Variants in BANK1 observed in about 807,000 individuals in gnomAD.
BANK1 encodes B-cell scaffold protein with ankyrin repeats.
Under a neutral mutation model 94.5 loss-of-function variants are expected in BANK1, and 95 were observed. The observed-to-expected ratio is 1.00, with a 90% confidence interval of 0.85 to 1.19. BANK1 has a LOEUF of 1.19. BANK1 is among the 50% of genes most tolerant of loss of function. The pLI, the probability that BANK1 is intolerant of heterozygous loss-of-function variation, is 0.00. For synonymous variants in BANK1, 334 were observed against 308.4 expected, an observed-to-expected ratio of 1.08 and a Z score of -0.87; for missense variants, 987 against 932.2, an observed-to-expected ratio of 1.06 and a Z score of -0.77.
At chr4:101,922,200 G>A (rs1300404481) in intron 7 of BANK1, among the ~76,000 whole-genome samples, 1 of 151,768 alleles carries the variant, frequency 6.6e-6, no homozygotes, top group Non-Finnish European at 1.5e-5. Context: ...AGCAATAATT[G>A]ACTGGGTAAT....
At chr4:102,026,318 A>C (rs1727096381) in intron 9 of BANK1, among the ~76,000 whole-genome samples, 1 of 152,108 alleles carries the variant, frequency 6.6e-6, no homozygotes, top group South Asian at 2.1e-4. Context: ...GTACTTTCCA[A>C]ATTTATATTT....
intron 6 of BANK1, among the ~76,000 whole-genome samples, chr4:101,910,333 A>G (rs952413008): frequency 6.6e-6 from 1 of 152,214 alleles, no homozygotes; most frequent in African/African-American, 2.4e-5. Context: ...ATTGACATAT[A>G]TCAAATTAAA....
At position 101,910,457 on chromosome 4, in the gene BANK1, T is replaced by C. The variant is rs1007074510; in HGVS notation, c.1010-7536T>C. Among the ~76,000 whole-genome samples the C allele has an allele frequency of 3.3e-5, 5 of 151,936 alleles. No homozygotes were observed. The South Asian group carries it at 8.3e-4, about 25-fold the overall frequency. On this transcript the variant is annotated intron_variant, in intron 6 of 16. Transcript: ENST00000322953. ...AGCACTTTGGGAGGCCGAGGCGGGC[T>C]GATCACCTGAGGTCGGGAGTTCGAG... is the stretch of plus-strand genomic sequence containing the variant.
intron 7 of BANK1, among the ~76,000 whole-genome samples, chr4:102,016,328 T>C (rs1404580339): frequency 6.6e-6 from 1 of 152,216 alleles, no homozygotes; most frequent in Non-Finnish European, 1.5e-5. Context: ...TATGTGGGTA[T>C]CCTGTATTTC....
chr4:102,019,804 A>G (rs1032673530), intron 7 of BANK1, among the ~76,000 whole-genome samples: 3 of 152,208 alleles, frequency 2.0e-5, no homozygotes, highest in African/African-American at 7.2e-5. Context: ...TCTACAGAGC[A>G]TTTTATTCTG....
At chr4:102,020,526 T>TA (rs1013036978) in intron 7 of BANK1, among the ~76,000 whole-genome samples, 30 of 151,738 alleles carry the variant, frequency 2.0e-4, no homozygotes, top group Admixed American at 1.4e-3. Context: ...CATTAGTGTT[T>TA]AAAAAAAAAT....
intron 7 of BANK1, among the ~76,000 whole-genome samples, chr4:102,006,271 C>G (rs185517560): frequency 4.6e-5 from 7 of 152,112 alleles, no homozygotes; most frequent in African/African-American, 1.4e-4. Context: ...TGTTTTTAAT[C>G]TCTGTTCTCA....
chr4:101,910,695 A>G (rs968700491), intron 6 of BANK1, among the ~76,000 whole-genome samples: 16 of 101,970 alleles, frequency 1.6e-4, no homozygotes, highest in African/African-American at 2.9e-4. Context: ...CTCCGTCTCG[A>G]AAAAAAAAAA....
intron 5 of BANK1, among the ~76,000 whole-genome samples, chr4:101,892,527 GTA>G (rs35163465): frequency 0.12 from 18,247 of 149,872 alleles, 1,814 homozygotes; most frequent in African/African-American, 0.27. Flanking sequence ...GCATGTATAT[GTA>G]TATATATATA....
chr4:102,030,389 AG>A, intron 10 of BANK1, 124 bp downstream of exon 10: 1 of 969,786 alleles, frequency 1.0e-6, no homozygotes, highest in East Asian at 2.6e-5. Context: ...TTTTTTTTCA[AG>A]TCACAGCTAA....
At chr4:101,841,696 A>T (rs925692230) in intron 2 of BANK1, among the ~76,000 whole-genome samples, 4 of 151,568 alleles carry the variant, frequency 2.6e-5, no homozygotes, top group Non-Finnish European at 5.9e-5. Context: ...ACATATGTAT[A>T]CATGTGCCAT....
Position 102,060,297 on chromosome 4 carries a change from A to AAAGT in BANK1, c.2059_2062dup (p.Lys688SerfsTer10). 6.2e-7 allele frequency: 1 copy of AAAGT among 1,610,612 alleles called. No homozygotes were observed. Among genetic ancestry groups the AAAGT allele is most frequent in the Non-Finnish European group, 8.5e-7 (1 of 1,178,860 alleles). On this transcript the variant is annotated frameshift_variant, in exon 12 of 17. Coordinates refer to ENST00000322953, the MANE Select transcript of BANK1 (RefSeq NM_017935.5). LOFTEE classifies it high-confidence loss of function. ...GGAAGAACTCATCCTCCTGCAGGAGAAAGTAAAGAATGGGAAAATGTCTAT... is the reference window on the plus strand; with the variant it reads ...GGAAGAACTCATCCTCCTGCAGGAGAAAGTAAGTAAAGAATGGGAAAATGTCTAT...
chr4:101,861,978 A>G (rs1727893976), intron 3 of BANK1, among the ~76,000 whole-genome samples: 1 of 152,164 alleles, frequency 6.6e-6, no homozygotes, highest in South Asian at 2.1e-4. Context: ...CATGGCAGAC[A>G]CTTACCACAA....
intron 7 of BANK1, among the ~76,000 whole-genome samples, chr4:101,997,416 T>A (rs934304018): frequency 6.6e-6 from 1 of 152,024 alleles, no homozygotes; most frequent in African/African-American, 2.4e-5. Context: ...CTCTGCCAGG[T>A]TTTGGTATCA....
intron 5 of BANK1, among the ~76,000 whole-genome samples, chr4:101,889,004 T>C (rs1477064664): frequency 6.6e-6 from 1 of 152,234 alleles, no homozygotes; most frequent in Non-Finnish European, 1.5e-5. Context: ...TATAAGTATC[T>C]ATATATCTCA....
intron 7 of BANK1, among the ~76,000 whole-genome samples, chr4:101,985,226 G>C (rs1471836726): frequency 6.6e-6 from 1 of 152,260 alleles, no homozygotes; most frequent in Admixed American, 6.5e-5. Flanking sequence ...AGACAGGCAA[G>C]ACAAAGAATA....
chr4:101,998,425 T>C (rs1725953267), intron 7 of BANK1, among the ~76,000 whole-genome samples: 1 of 152,228 alleles, frequency 6.6e-6, no homozygotes, highest in Non-Finnish European at 1.5e-5. Context: ...TGTAGATGTC[T>C]ATTAGGTCCG....
chr4:101,869,896 A>G (rs1325825667), intron 4 of BANK1, among the ~76,000 whole-genome samples: 19 of 152,108 alleles, frequency 1.2e-4, no homozygotes. Flanking sequence ...CATATATTAC[A>G]GCACAATTCA....
intron 7 of BANK1, among the ~76,000 whole-genome samples, chr4:102,019,441 G>A (rs1422406254): frequency 2.6e-5 from 4 of 152,176 alleles, no homozygotes; most frequent in African/African-American, 9.7e-5. Context: ...ACATTATTCT[G>A]ATTTAATTCT....
Sources: allele counts gnomAD v4.1 joint callset (sites outside exome capture counted in the v4.1 genomes callset), GRCh38; gene constraint gnomAD v4.1.1; transcripts MANE v1.5; gene names NCBI Gene and HGNC (gene_info 2026-07-23, HGNC 2026-07-21).